SPOCK3: variants seen among roughly 807,000 people sequenced by gnomAD.
SPOCK3 encodes the protein SPARC (osteonectin), cwcv and kazal like domains proteoglycan 3, also known as testican-3.
A neutral mutation model predicts 56.6 loss-of-function variants in SPOCK3; 30 were observed. The ratio of observed to expected loss-of-function variants is 0.53; its 90% confidence interval spans 0.40 to 0.72. SPOCK3 has a LOEUF of 0.72. Among genes scored for constraint, SPOCK3 ranks in the 30% least tolerant of loss-of-function variants. SPOCK3 has a pLI of 0.00. For missense variants in SPOCK3, 527 were observed against 530.0 expected, an observed-to-expected ratio of 0.99 and a Z score of 0.06; for synonymous variants, 196 against 183.3, an observed-to-expected ratio of 1.07 and a Z score of -0.56.
chr4:167,186,965 A>G (rs1051645146), intron 2 of SPOCK3, among the ~76,000 whole-genome samples: 13 of 147,192 alleles, frequency 8.8e-5, no homozygotes, highest in Admixed American at 6.8e-5. Context: ...TGACAGAGCA[A>G]GACTCTGTGC....
At chr4:167,197,001 G>C (rs138698286) in intron 2 of SPOCK3, among the ~76,000 whole-genome samples, 2 of 152,044 alleles carry the variant, frequency 1.3e-5, no homozygotes, top group Non-Finnish European at 2.9e-5. Flanking sequence ...CCTTTATCAA[G>C]GTTTATTGTT....
intron 5 of SPOCK3, among the ~76,000 whole-genome samples, chr4:166,891,671 A>C (rs1372741456): frequency 1.3e-5 from 2 of 152,034 alleles, no homozygotes; most frequent in Admixed American, 1.3e-4. Flanking sequence ...ATAAATAGTT[A>C]AGCAATTATG....
At chr4:166,753,279 G>A (rs756027322) in intron 8 of SPOCK3, among the ~76,000 whole-genome samples, 8 of 151,880 alleles carry the variant, frequency 5.3e-5, no homozygotes, top group Non-Finnish European at 1.0e-4. Context: ...AGTTTAGCTG[G>A]ATTTACTACT....
chr4:167,100,508 C>G (rs938759371), intron 2 of SPOCK3, among the ~76,000 whole-genome samples: 7 of 150,426 alleles, frequency 4.7e-5, no homozygotes, highest in Non-Finnish European at 8.9e-5. Flanking sequence ...CACACACAAC[C>G]CTCATTCTCT....
intron 8 of SPOCK3, among the ~76,000 whole-genome samples, chr4:166,744,146 G>T (rs1735249786): frequency 6.6e-6 from 1 of 152,188 alleles, no homozygotes; most frequent in African/African-American, 2.4e-5. Context: ...AGAACAAACA[G>T]ACTGCCTCCT....
rs11557045 is a variant in SPOCK3, at chr4:167,000,418, C to T, written c.281G>A (p.Arg94His). 7.7e-5 allele frequency: 123 copies of T among 1,607,586 alleles called. No homozygotes were observed. Among genetic ancestry groups the T allele is most frequent in the Middle Eastern group, 6.6e-4 (4 of 6,036 alleles). Reference protein sequence around the residue: ...KDPCLKMKCSRHKVCIAQDSQ... With the variant: ...KDPCLKMKCSHHKVCIAQDSQ... ...ATCTTGAGCAATGCATACTTTATGG[C>T]GACTACATTTCATCTTTAAGCATGG... is the stretch of plus-strand genomic sequence containing the variant. Residue 94 changes from arginine (R) to histidine (H), a missense_variant, in exon 4 of 11, where the codon CGC becomes CAC. By Grantham distance (29) the Arg-to-His change is conservative. Transcript: ENST00000357545.
intron 2 of SPOCK3, among the ~76,000 whole-genome samples, chr4:167,072,626 C>G (rs960282156): frequency 2.0e-5 from 3 of 151,856 alleles, no homozygotes; most frequent in African/African-American, 7.2e-5. Context: ...ATAGAATTTG[C>G]ATAATTCTAT....
intron 2 of SPOCK3, among the ~76,000 whole-genome samples, chr4:167,143,198 G>C (rs1763673390): frequency 6.6e-6 from 1 of 151,884 alleles, no homozygotes; most frequent in Non-Finnish European, 1.5e-5. Context: ...AAATACATCG[G>C]TTCTGTCCAA....
intron 2 of SPOCK3, among the ~76,000 whole-genome samples, chr4:167,220,195 A>C (rs974955576): frequency 1.3e-5 from 2 of 152,128 alleles, no homozygotes; most frequent in African/African-American, 4.8e-5. Flanking sequence ...ATTTAATTAA[A>C]GAAAATAATT....
At chr4:166,769,148 C>T (rs180772246) in intron 7 of SPOCK3, among the ~76,000 whole-genome samples, 26 of 151,932 alleles carry the variant, frequency 1.7e-4, no homozygotes, top group Admixed American at 4.6e-4. Context: ...TCCTTTAGCT[C>T]GGAGAAGTTT....
chr4:167,230,583 T>G (rs1455702776), intron 2 of SPOCK3, among the ~76,000 whole-genome samples: 1 of 151,906 alleles, frequency 6.6e-6, no homozygotes, highest in African/African-American at 2.4e-5. Context: ...TTATTTTATT[T>G]TATTTCAAAA....
chr4:167,050,478 G>A (rs1383325761), intron 3 of SPOCK3, among the ~76,000 whole-genome samples: 1 of 152,138 alleles, frequency 6.6e-6, no homozygotes. Flanking sequence ...TGCAGTTGCT[G>A]TCGAGAACAA....
At position 167,119,533 on chromosome 4, in the gene SPOCK3, CTT is replaced by C. The variant is rs1408872056; in HGVS notation, c.190-56998_190-56997del. ...TGAATAACAAAGGTTTATATCATCT[CTT>C]AACAAAATACTCATCTCCAAAGTAA... On this transcript the variant is annotated intron_variant, in intron 2 of 10. Coordinates refer to ENST00000357545, the MANE Select transcript of SPOCK3 (RefSeq NM_001040159.2). Among the ~76,000 whole-genome samples, 3 of 152,208 alleles carry C rather than the reference CTT, an allele frequency of 2.0e-5. No individual in the cohort carries two copies. The East Asian group carries it at 5.8e-4, about 29-fold the overall frequency.
chr4:166,962,277 A>G (rs1173737625), intron 4 of SPOCK3, among the ~76,000 whole-genome samples: 1 of 152,086 alleles, frequency 6.6e-6, no homozygotes, highest in East Asian at 1.9e-4. Context: ...TGTTCTGTCT[A>G]CCACACTGCT....
intron 2 of SPOCK3, among the ~76,000 whole-genome samples, chr4:167,070,633 A>AAG (rs1296629828): frequency 6.6e-6 from 1 of 151,950 alleles, no homozygotes; most frequent in African/African-American, 2.4e-5. Context: ...AAAGCTAAAA[A>AAG]ATAGCAATGG....
At chr4:167,205,215 T>TTATA (rs531573189) in intron 2 of SPOCK3, among the ~76,000 whole-genome samples, 11 of 85,194 alleles carry the variant, frequency 1.3e-4, no homozygotes, top group African/African-American at 5.5e-4. Flanking sequence ...ATATTATATA[T>TTATA]TATATATTTT....
intron 2 of SPOCK3, among the ~76,000 whole-genome samples, chr4:167,205,254 T>C (rs1311864877): frequency 2.5e-5 from 2 of 80,786 alleles, no homozygotes; most frequent in Non-Finnish European, 4.4e-5. Context: ...ATATATTATA[T>C]ATATTTTATA....
intron 6 of SPOCK3, among the ~76,000 whole-genome samples, chr4:166,851,589 A>G (rs1424212168): frequency 2.0e-5 from 3 of 152,248 alleles, no homozygotes; most frequent in Non-Finnish European, 4.4e-5. Context: ...AGAAGAATGT[A>G]TAACTAGAAT....
At chr4:167,036,626 A>G (rs1259605456) in intron 3 of SPOCK3, among the ~76,000 whole-genome samples, 4 of 152,172 alleles carry the variant, frequency 2.6e-5, no homozygotes, top group African/African-American at 9.7e-5. Context: ...TTTTAACGGA[A>G]TAGTCTACTT....
Sources: gnomAD v4.1 joint callset for allele counts (sites outside exome capture counted in the v4.1 genomes callset) on GRCh38, gnomAD v4.1.1 for gene constraint, MANE v1.5 for transcripts, NCBI Gene and HGNC (gene_info 2026-07-23, HGNC 2026-07-21) for gene names.